The following SNTG1 variants were observed in gnomAD, a reference collection of about 807,000 sequenced individuals.
The protein encoded by SNTG1 is syntrophin gamma 1.
Under a neutral mutation model 74.7 loss-of-function variants are expected in SNTG1, and 39 were observed. That is an observed-to-expected ratio of 0.52 (90% CI 0.40 to 0.68). The LOEUF (loss-of-function observed/expected upper bound fraction) is 0.68, where lower values mean the gene tolerates loss of function less well. SNTG1 is among the 30% of genes least tolerant of loss of function. The pLI, the probability that SNTG1 is intolerant of heterozygous loss-of-function variation, is 0.00. For missense variants in SNTG1, 685 were observed against 609.5 expected, an observed-to-expected ratio of 1.12 and a Z score of -1.30; for synonymous variants, 254 against 217.1, an observed-to-expected ratio of 1.17 and a Z score of -1.49.
intron 2 of SNTG1, among the ~76,000 whole-genome samples, chr8:50,253,042 G>T (rs1449616792): frequency 1.3e-5 from 2 of 152,184 alleles, no homozygotes; most frequent in East Asian, 3.9e-4. Context: ...TGGTGGTGAT[G>T]ATGTAGAGAC....
chr8:50,276,537 A>AT lies in SNTG1; in HGVS notation c.-28+103908dup, dbSNP rs1268109702. ...AACTGTCATTGCTTTTTTCCTCTTC[A>AT]TTTTTTGTAAATTAAAAGCACCAGG... On this transcript the variant is annotated intron_variant, in intron 2 of 18. Coordinates refer to ENST00000642720, the MANE Select transcript of SNTG1 (RefSeq NM_018967.5). Among the ~76,000 whole-genome samples the AT allele has an allele frequency of 4.0e-5, 6 of 151,778 alleles. No homozygotes were observed. The East Asian group carries it at 9.7e-4, about 24-fold the overall frequency.
intron 13 of SNTG1, among the ~76,000 whole-genome samples, chr8:50,638,544 C>T (rs1429114839): frequency 6.6e-6 from 1 of 152,036 alleles, no homozygotes; most frequent in East Asian, 1.9e-4. Context: ...GTGAAGAAGG[C>T]TGAGCAGGAG....
At chr8:50,305,638 A>T (rs1005573906) in intron 2 of SNTG1, among the ~76,000 whole-genome samples, 1 of 151,466 alleles carries the variant, frequency 6.6e-6, no homozygotes. Context: ...GAATTTCACT[A>T]TATATGTGTT....
chr8:50,464,626 G>A (rs960090383), intron 8 of SNTG1, among the ~76,000 whole-genome samples: 17 of 151,920 alleles, frequency 1.1e-4, no homozygotes, highest in African/African-American at 4.1e-4. Flanking sequence ...TAAGATCACC[G>A]ATCATCAAGA....
At chr8:50,511,379 G>T (rs2094072850) in intron 9 of SNTG1, among the ~76,000 whole-genome samples, 1 of 152,168 alleles carries the variant, frequency 6.6e-6, no homozygotes, top group Non-Finnish European at 1.5e-5. Flanking sequence ...GTGTTGAAAA[G>T]AATGTATATT....
intron 18 of SNTG1, among the ~76,000 whole-genome samples, chr8:50,778,669 T>C (rs1394393323): frequency 7.8e-6 from 1 of 127,944 alleles, no homozygotes; most frequent in Non-Finnish European, 1.5e-5. Flanking sequence ...TTCACTCTGA[T>C]GGTAGTTTCT....
chr8:49,917,075 A>G (rs1333133852), intron 1 of SNTG1, among the ~76,000 whole-genome samples: 1 of 152,028 alleles, frequency 6.6e-6, no homozygotes, highest in Non-Finnish European at 1.5e-5. Context: ...AGGGGTGAGA[A>G]ATAAGTATGT....
chr8:50,149,470 C>T (rs1489794247), intron 1 of SNTG1, among the ~76,000 whole-genome samples: 1 of 152,140 alleles, frequency 6.6e-6, no homozygotes, highest in Non-Finnish European at 1.5e-5. Flanking sequence ...CTTGCCCATG[C>T]CTATGTCCTG....
intron 18 of SNTG1, among the ~76,000 whole-genome samples, chr8:50,789,870 G>A (rs940781481): frequency 8.6e-5 from 13 of 152,004 alleles, no homozygotes; most frequent in African/African-American, 3.1e-4. Context: ...CATGCAGCAT[G>A]CAAAGTGTTT....
intron 11 of SNTG1, among the ~76,000 whole-genome samples, chr8:50,537,781 C>G (rs1445619881): frequency 6.6e-6 from 1 of 152,126 alleles, no homozygotes; most frequent in East Asian, 1.9e-4. Context: ...ATGTCTCCAT[C>G]ACAAAGTACT....
At chr8:50,180,179 A>T (rs918569375) in intron 2 of SNTG1, among the ~76,000 whole-genome samples, 2 of 152,242 alleles carry the variant, frequency 1.3e-5, no homozygotes, top group African/African-American at 4.8e-5. Flanking sequence ...AGCCATAAAC[A>T]GTAAGACAGA....
chr8:50,662,178 C>T (rs879749986), intron 15 of SNTG1, among the ~76,000 whole-genome samples: 1 of 152,142 alleles, frequency 6.6e-6, no homozygotes, highest in Non-Finnish European at 1.5e-5. Context: ...GGTATCACTT[C>T]TGATGCAAGC....
At chr8:50,611,681 A>T (rs1335738461) in intron 13 of SNTG1, among the ~76,000 whole-genome samples, 2 of 152,204 alleles carry the variant, frequency 1.3e-5, no homozygotes, top group African/African-American at 4.8e-5. Context: ...CAGCCACTTA[A>T]GGAGGCTGAG....
At chr8:50,273,635 C>T (rs186065203) in intron 2 of SNTG1, among the ~76,000 whole-genome samples, 2 of 152,296 alleles carry the variant, frequency 1.3e-5, no homozygotes, top group East Asian at 1.9e-4. Flanking sequence ...CAGTTTCAAA[C>T]AGAATGATCA....
In SNTG1 at chr8:50,536,698, G is replaced by A. The variant is rs1484840771; in HGVS notation, c.570G>A (p.Ser190=). The A allele has an allele frequency of 1.2e-6, 2 of 1,613,800 alleles. No homozygotes were observed. Among genetic ancestry groups the A allele is most frequent in the Admixed American group, 1.7e-5 (1 of 59,998 alleles). ...PNNTDTLSCS[S]WPTSPGLRWE... ...TTCAGGACACATTATCATGCTCGTC[G>A]TGGCCGACGTCTCCAGGCTTGAGGT... is the stretch of plus-strand genomic sequence containing the variant. Residue 190 remains serine (S), a synonymous_variant, in exon 11 of 19, where the codon TCG becomes TCA. Coordinates refer to ENST00000642720, the MANE Select transcript of SNTG1 (RefSeq NM_018967.5).
At chr8:50,653,301 G>GGT (rs2095160002) in intron 13 of SNTG1, among the ~76,000 whole-genome samples, 1 of 151,946 alleles carries the variant, frequency 6.6e-6, no homozygotes, top group South Asian at 2.1e-4. Flanking sequence ...CAGAAGTGGT[G>GGT]GTGTGTGTGC....
At chr8:50,233,028 T>G (rs2085708603) in intron 2 of SNTG1, among the ~76,000 whole-genome samples, 1 of 151,570 alleles carries the variant, frequency 6.6e-6, no homozygotes, top group Admixed American at 6.6e-5. Context: ...CTGCCAAAAT[T>G]TCAACTTGAT....
chr8:49,996,109 G>T (rs1814186032), intron 1 of SNTG1, among the ~76,000 whole-genome samples: 2 of 151,956 alleles, frequency 1.3e-5, no homozygotes, highest in Admixed American at 1.3e-4. Flanking sequence ...TGAATTTTTT[G>T]GTTTGTCTTT....
chr8:50,246,087 C>G (rs1204530581), intron 2 of SNTG1, among the ~76,000 whole-genome samples: 2 of 150,398 alleles, frequency 1.3e-5, no homozygotes, highest in South Asian at 2.1e-4. Context: ...ATTAAAATCT[C>G]TCATGCACAG....
Sources: allele counts gnomAD v4.1 joint callset (sites outside exome capture counted in the v4.1 genomes callset), GRCh38; gene constraint gnomAD v4.1.1; transcripts MANE v1.5; gene names NCBI Gene and HGNC (gene_info 2026-07-23, HGNC 2026-07-21).